Variants in RNGTT observed in about 807,000 individuals in gnomAD.
RNGTT encodes the protein RNA guanylyltransferase and 5'-phosphatase, also known as mRNA-capping enzyme.
RNGTT carries 33 observed loss-of-function variants against 79.3 expected under a neutral mutation model. The observed-to-expected ratio is 0.42, with a 90% CI of 0.32 to 0.56. RNGTT has a LOEUF of 0.56. Ranked by LOEUF, RNGTT falls within the 20% of genes least tolerant of loss-of-function variation. The pLI, the probability that RNGTT is intolerant of heterozygous loss-of-function variation, is 0.17. For missense variants in RNGTT, 497 were observed against 739.1 expected (o/e 0.67, Z 3.80); for synonymous variants, 222 against 235.9 (o/e 0.94, Z 0.54).
chr6:88,719,413 T>C (rs1159096709), intron 13 of RNGTT, among the ~76,000 whole-genome samples: 1 of 152,216 alleles, frequency 6.6e-6, no homozygotes, highest in Non-Finnish European at 1.5e-5. Flanking sequence ...AATGATTCAC[T>C]CTCTAGTCTA....
intron 13 of RNGTT, among the ~76,000 whole-genome samples, chr6:88,757,108 A>G (rs904670518): frequency 2.0e-5 from 3 of 152,186 alleles, no homozygotes; most frequent in Non-Finnish European, 2.9e-5. Flanking sequence ...TACACTATAA[A>G]TGTATATCAG....
chr6:88,896,329 G>A (rs1279186172), intron 6 of RNGTT, among the ~76,000 whole-genome samples: 4 of 152,102 alleles, frequency 2.6e-5, no homozygotes, highest in East Asian at 1.9e-4. Context: ...ATGGGAGCAC[G>A]AATAACCCCT....
intron 11 of RNGTT, among the ~76,000 whole-genome samples, chr6:88,841,130 C>T (rs1781272322): frequency 6.6e-6 from 1 of 152,122 alleles, no homozygotes; most frequent in South Asian, 2.1e-4. Flanking sequence ...TTTATCTTTA[C>T]CCAACCTATT....
intron 13 of RNGTT, among the ~76,000 whole-genome samples, chr6:88,687,838 G>T (rs114016350): frequency 6.6e-6 from 1 of 152,096 alleles, no homozygotes; most frequent in Non-Finnish European, 1.5e-5. Context: ...AATCATGGGG[G>T]AATAAAAATA....
chr6:88,928,444 G>A (rs770753930), intron 4 of RNGTT, among the ~76,000 whole-genome samples: 1 of 152,144 alleles, frequency 6.6e-6, no homozygotes, highest in East Asian at 1.9e-4. Flanking sequence ...TATGAGCTCT[G>A]TAAGAGCAGG....
At chr6:88,756,977 AC>A (rs1395739149) in intron 13 of RNGTT, among the ~76,000 whole-genome samples, 1 of 152,242 alleles carries the variant, frequency 6.6e-6, no homozygotes, top group Non-Finnish European at 1.5e-5. Context: ...TCACAAAAAA[AC>A]AAATTGTCTT....
At chr6:88,881,041 G>A (rs547649739) in intron 8 of RNGTT, among the ~76,000 whole-genome samples, 15 of 152,246 alleles carry the variant, frequency 9.9e-5, no homozygotes, top group African/African-American at 3.6e-4. Flanking sequence ...AAGTAGAACT[G>A]ACTCCCCCCT....
At chr6:88,624,275 C>G (rs968152120) in intron 14 of RNGTT, among the ~76,000 whole-genome samples, 2 of 151,756 alleles carry the variant, frequency 1.3e-5, no homozygotes, top group African/African-American at 4.8e-5. Context: ...GAAACTAGAA[C>G]AATTTTGAAA....
At chr6:88,769,286 G>A (rs1478122738) in intron 13 of RNGTT, among the ~76,000 whole-genome samples, 5 of 151,796 alleles carry the variant, frequency 3.3e-5, no homozygotes, top group Non-Finnish European at 5.9e-5. Context: ...TCAGCCTCCC[G>A]AGTAGCTGGG....
At chr6:88,681,054 T>C (rs924058841) in intron 13 of RNGTT, among the ~76,000 whole-genome samples, 6 of 152,304 alleles carry the variant, frequency 3.9e-5, no homozygotes, top group East Asian at 3.9e-4. Context: ...GTATCATAAA[T>C]TGAATGTTAG....
At position 88,929,269 on chromosome 6, in the gene RNGTT, TAAAAA is replaced by T; in HGVS notation, c.175-7_175-3del. ...GTCCACCAACAAGCCCATTTTAACC[TAAAAA>T]AAAAAAAAAATGAAAGGGCAAATTT... On this transcript the variant is annotated splice_polypyrimidine_tract_variant and splice_region_variant and intron_variant, in intron 2 of 15. Coordinates refer to ENST00000369485, the MANE Select transcript of RNGTT (RefSeq NM_003800.5). 1 of 1,353,034 alleles carries T rather than the reference TAAAAA, an allele frequency of 7.4e-7. No individual in the cohort carries two copies. The highest frequency in any genetic ancestry group is 1.0e-6 in the Non-Finnish European group (1 of 993,916). 83.8% of individuals were successfully genotyped at this position (1,353,034 alleles called of 1,614,324 possible). A position where few individuals can be genotyped will look rare whatever the true frequency, so the allele number is the denominator to read the frequency against.
At chr6:88,903,545 CTA>C (rs1438197503) in intron 6 of RNGTT, among the ~76,000 whole-genome samples, 3 of 152,120 alleles carry the variant, frequency 2.0e-5, no homozygotes, top group Non-Finnish European at 2.9e-5. Flanking sequence ...GAAATAATTT[CTA>C]TGTTTCGAAG....
chr6:88,937,866 T>C (rs1350580080), intron 2 of RNGTT, among the ~76,000 whole-genome samples: 1 of 152,218 alleles, frequency 6.6e-6, no homozygotes, highest in Non-Finnish European at 1.5e-5. Flanking sequence ...TATTATTGAC[T>C]TCTAGCTTTT....
chr6:88,680,919 C>T (rs1023454013), intron 13 of RNGTT, among the ~76,000 whole-genome samples: 1 of 152,008 alleles, frequency 6.6e-6, no homozygotes, highest in African/African-American at 2.4e-5. Flanking sequence ...CGACTAAAGG[C>T]ATTTGTTTAG....
At chr6:88,877,971 A>T (rs1582573259) in intron 8 of RNGTT, among the ~76,000 whole-genome samples, 1 of 152,334 alleles carries the variant, frequency 6.6e-6, no homozygotes, top group South Asian at 2.1e-4. Flanking sequence ...AGTTTTGGTT[A>T]TCACCAGAGG....
chr6:88,654,616 AG>A, intron 14 of RNGTT, among the ~76,000 whole-genome samples: 1 of 113,732 alleles, frequency 8.8e-6, no homozygotes, highest in East Asian at 2.0e-4. Flanking sequence ...AGTAACTATG[AG>A]ATCTCATCTT....
In RNGTT at chr6:88,649,390, C is replaced by T. The variant is rs190888684; in HGVS notation, c.1506+28963G>A. Among the ~76,000 whole-genome samples the T allele has an allele frequency of 1.1e-3, 166 of 152,232 alleles. 1 individual carries two copies. The highest frequency in any genetic ancestry group is 5.9e-4 in the Admixed American group (9 of 15,288). ...ATTTTAATGTAAAAGTGGCCAAAAT[C>T]GAATTAATGCAGCATAAAAAGGTTC... On this transcript the variant is annotated intron_variant, in intron 14 of 15. Coordinates refer to ENST00000369485, the MANE Select transcript of RNGTT (RefSeq NM_003800.5).
intron 11 of RNGTT, among the ~76,000 whole-genome samples, chr6:88,830,891 G>A (rs571196341): frequency 1.3e-5 from 2 of 152,278 alleles, no homozygotes; most frequent in East Asian, 1.9e-4. Context: ...AAACCAGGAA[G>A]AAGTCAAATC....
intron 12 of RNGTT, among the ~76,000 whole-genome samples, chr6:88,772,847 T>C (rs950587600): frequency 2.0e-5 from 3 of 151,864 alleles, no homozygotes; most frequent in Non-Finnish European, 4.4e-5. Flanking sequence ...TGTGGAAAAA[T>C]AGGAACACTT....
Sources: gnomAD v4.1 joint callset for allele counts (sites outside exome capture counted in the v4.1 genomes callset) on GRCh38, gnomAD v4.1.1 for gene constraint, MANE v1.5 for transcripts, NCBI Gene and HGNC (gene_info 2026-07-23, HGNC 2026-07-21) for gene names.